SVEP1: variants seen among roughly 807,000 people sequenced by gnomAD.
SVEP1 encodes sushi, von Willebrand factor type A, EGF and pentraxin domain containing 1.
Under a neutral mutation model 367.3 loss-of-function variants are expected in SVEP1, and 164 were observed. The ratio of observed to expected loss-of-function variants is 0.45; its 90% CI spans 0.39 to 0.51. The LOEUF (loss-of-function observed/expected upper bound fraction) is 0.51, where lower values mean the gene tolerates loss of function less well. Among genes scored for constraint, SVEP1 ranks in the 20% least tolerant of loss-of-function variants. SVEP1 has a pLI of 0.00. For synonymous variants in SVEP1, 1,666 were observed against 1,611.6 expected, an observed-to-expected ratio of 1.03 and a Z score of -0.81; for missense variants, 4,117 against 4,425.3, an observed-to-expected ratio of 0.93 and a Z score of 1.98.
At position 110,450,246 on chromosome 9, in the gene SVEP1, T is replaced by C. The variant is rs1828672002; in HGVS notation, c.3916A>G (p.Thr1306Ala). Residue 1306 changes from threonine (T) to alanine (A), a missense_variant, in exon 24 of 48, where the codon ACA becomes GCA. Around this residue, in one of 4 missense-constraint regions of SVEP1, gnomAD observed 2,174 missense variants for 2,494.3 expected, o/e 0.87. Transcript: ENST00000374469. Reference sequence around the variant, plus strand: ...TTTGACTGGCATTCATTGACTTCTGTTTCACAATGCAGGCCTGAGGATGGA... The same window carrying C: ...TTTGACTGGCATTCATTGACTTCTGCTTCACAATGCAGGCCTGAGGATGGA... Reference protein sequence around the residue: ...VKGFVGLHCETEVNECQSNPC... With the variant: ...VKGFVGLHCEAEVNECQSNPC... 2 of 1,613,738 alleles carry C rather than the reference T, an allele frequency of 1.2e-6. No individual in the cohort carries two copies.
At chr9:110,495,330 A>T (rs2151689) in intron 8 of SVEP1, among the ~76,000 whole-genome samples, 3 of 151,946 alleles carry the variant, frequency 2.0e-5, no homozygotes, top group Non-Finnish European at 2.9e-5. Flanking sequence ...CGACTAAATT[A>T]AGAATCTTAA....
At chr9:110,396,085 G>C (rs12353353) in intron 40 of SVEP1, among the ~76,000 whole-genome samples, 47,385 of 151,858 alleles carry the variant, frequency 0.31, 7,487 homozygotes, top group Middle Eastern at 0.37. Flanking sequence ...CAAAACTGAC[G>C]ACACAGTTGG....
At chr9:110,511,033 T>C (rs1185545769) in intron 5 of SVEP1, among the ~76,000 whole-genome samples, 1 of 152,184 alleles carries the variant, frequency 6.6e-6, no homozygotes, top group Non-Finnish European at 1.5e-5. Flanking sequence ...ACATTGAGAA[T>C]GGCCAACAAA....
intron 16 of SVEP1, among the ~76,000 whole-genome samples, chr9:110,470,043 G>GT (rs1479746639): frequency 1.3e-5 from 2 of 152,152 alleles, no homozygotes; most frequent in African/African-American, 2.4e-5. Flanking sequence ...AGAGATGAAC[G>GT]TAAGATTCAT....
chr9:110,430,197 A>G (rs1375123426), intron 33 of SVEP1, 77 bp downstream of exon 33: 8 of 1,449,284 alleles, frequency 5.5e-6, no homozygotes, highest in South Asian at 2.7e-5. Flanking sequence ...TTGATACAAC[A>G]TAACACTTCA....
intron 1 of SVEP1, among the ~76,000 whole-genome samples, chr9:110,578,396 T>C (rs1830651204): frequency 6.6e-6 from 1 of 152,178 alleles, no homozygotes; most frequent in African/African-American, 2.4e-5. Flanking sequence ...ACTTTTTGTT[T>C]AATTCAGTCC....
At chr9:110,499,822 T>C (rs1038294765) in intron 6 of SVEP1, among the ~76,000 whole-genome samples, 1 of 152,188 alleles carries the variant, frequency 6.6e-6, no homozygotes, top group Non-Finnish European at 1.5e-5. Flanking sequence ...GGAGTGCATG[T>C]GAGGGGGCAG....
intron 18 of SVEP1, among the ~76,000 whole-genome samples, chr9:110,464,902 G>A (rs563140189): frequency 6.6e-6 from 1 of 151,328 alleles, no homozygotes; most frequent in East Asian, 1.9e-4. Flanking sequence ...CTGGAAGTAG[G>A]CTGACCTTGA....
chr9:110,466,481 G>A (rs1828938268), intron 17 of SVEP1, among the ~76,000 whole-genome samples: 1 of 151,998 alleles, frequency 6.6e-6, no homozygotes, highest in Admixed American at 6.6e-5. Flanking sequence ...ACTGGCGGCC[G>A]GGCACGGTGG....
chr9:110,471,681 A>G, intron 15 of SVEP1, 84 bp from the exon 16 acceptor site: 2 of 966,812 alleles, frequency 2.1e-6, no homozygotes, highest in Non-Finnish European at 3.1e-6. Context: ...CCAAACAGAA[A>G]TACTTAAAAT....
chr9:110,482,319 T>C, intron 11 of SVEP1, 42 bp downstream of exon 11: 2 of 1,592,766 alleles, frequency 1.3e-6, no homozygotes, highest in Admixed American at 1.7e-5. Context: ...ATGACATGTG[T>C]CAAATGTCAA....
chr9:110,385,397 T>C (rs1827504841), intron 43 of SVEP1, among the ~76,000 whole-genome samples: 1 of 152,210 alleles, frequency 6.6e-6, no homozygotes, highest in African/African-American at 2.4e-5. Flanking sequence ...CGCTAACCTA[T>C]AGTGCTGGTG....
chr9:110,505,697 T>A (rs938113528), intron 5 of SVEP1, among the ~76,000 whole-genome samples: 1 of 152,094 alleles, frequency 6.6e-6, no homozygotes, highest in Admixed American at 6.5e-5. Flanking sequence ...TCCTTTCTCT[T>A]TTTTCTCTCT....
chr9:110,407,802 C>T lies in SVEP1; in HGVS notation c.7798G>A (p.Gly2600Arg). The T allele has an allele frequency of 1.2e-6, 2 of 1,613,988 alleles. No homozygotes were observed. The highest frequency in any genetic ancestry group is 2.2e-5 in the East Asian group (1 of 44,876). ...CATGTTGGGATGGAACTTGACCATCCTGACTCTTCACAGGTCTGCATGGCA... is the reference window on the plus strand; with the variant it reads ...CATGTTGGGATGGAACTTGACCATCTTGACTCTTCACAGGTCTGCATGGCA... ...GHAMQTCEES[G>R]WSSSIPTCMP... Residue 2600 changes from glycine to arginine, a missense_variant, in exon 38 of 48, where the codon GGA becomes AGA. This residue lies in a region of SVEP1 where 1,765 missense variants were observed against 1,781.1 expected (regional missense o/e 0.99). Transcript: ENST00000374469.
chr9:110,485,205 C>A (rs1829257556), intron 9 of SVEP1, among the ~76,000 whole-genome samples: 1 of 152,110 alleles, frequency 6.6e-6, no homozygotes, highest in Non-Finnish European at 1.5e-5. Context: ...CAATGATAAA[C>A]TGGATAAAGA....
Position 110,483,620 on chromosome 9 carries a change from T to C in SVEP1, c.2004A>G (p.Ala668=). Residue 668 remains alanine (A), a synonymous_variant, in exon 10 of 48, where the codon GCA becomes GCG. Transcript: ENST00000374469. ...PVQVSEKVHA[A]SWDEPQFSDN... ...CTGAGAACTGAGGCTCATCCCAGCT[T>C]GCGGCATGTACCTTCTCCGAGACCT... 1 of 1,612,606 alleles carries C rather than the reference T, an allele frequency of 6.2e-7. No individual in the cohort carries two copies. Among genetic ancestry groups the C allele is most frequent in the Non-Finnish European group, 8.5e-7 (1 of 1,179,158 alleles).
At chr9:110,377,520 G>T (rs549911034) in intron 44 of SVEP1, among the ~76,000 whole-genome samples, 154 bp from the exon 45 acceptor site, 91 of 152,328 alleles carry the variant, frequency 6.0e-4, no homozygotes, top group African/African-American at 2.0e-3. Context: ...ATTTCAGTAT[G>T]TGGAGAAGTA....
intron 41 of SVEP1, 125 bp downstream of exon 41, chr9:110,389,399 T>G: frequency 9.1e-7 from 1 of 1,103,442 alleles, no homozygotes; most frequent in Non-Finnish European, 1.3e-6. Context: ...TAAAAGGTTC[T>G]CATATGGCTT....
intron 6 of SVEP1, among the ~76,000 whole-genome samples, chr9:110,501,296 C>T (rs1829525052): frequency 6.6e-6 from 1 of 151,026 alleles, no homozygotes; most frequent in Admixed American, 6.6e-5. Context: ...ATACAGGTTC[C>T]ACACGTTTCT....
Sources: gnomAD v4.1 joint callset for allele counts (sites outside exome capture counted in the v4.1 genomes callset) on GRCh38, gnomAD v4.1.1 for gene constraint, gnomAD v4.1.1 regional missense constraint, MANE v1.5 for transcripts, NCBI Gene and HGNC (gene_info 2026-07-23, HGNC 2026-07-21) for gene names.